ZNF274: variants seen among roughly 807,000 people sequenced by gnomAD.
ZNF274 encodes the protein neurotrophin receptor-interacting factor homolog.
ZNF274 carries 23 observed loss-of-function variants against 42.5 expected under a neutral mutation model. The ratio of observed to expected loss-of-function variants is 0.54; its 90% CI spans 0.39 to 0.77. ZNF274 has a LOEUF of 0.77. Ranked by LOEUF, ZNF274 falls within the 30% of genes least tolerant of loss-of-function variation. The pLI is 0.00. For synonymous variants in ZNF274, 292 were observed against 305.4 expected (o/e 0.96, Z 0.46); for missense variants, 679 against 806.5 (o/e 0.84, Z 1.91).
Position 58,202,072 on chromosome 19 carries a change from T to C in ZNF274, c.257-4648T>C, listed in dbSNP as rs574868790. On this transcript the variant is annotated intron_variant, in intron 4 of 7. Transcript: ENST00000617501. ...GAATGATGAGAGAGAACAGGAGAGC[T>C]GAGAGCTTTCCAGACAAGGAGGAAA... Among the ~76,000 whole-genome samples the C allele has an allele frequency of 2.0e-5, 3 of 152,232 alleles. No homozygotes were observed. In the East Asian group the frequency reaches 5.8e-4, roughly 29 times the overall value.
At position 58,183,440 on chromosome 19, in the gene ZNF274, C is replaced by G. The variant is rs920734832; in HGVS notation, c.-48C>G. On this transcript the variant is annotated splice_region_variant and 5_prime_UTR_variant, in exon 1 of 8. Transcript: ENST00000617501. ...ACGGGCGCCATTGTGCGGCGCGCGC[C>G]GGGTGAGTGCCGCGCGAAACCTGCG... 1 of 152,368 alleles carries G rather than the reference C, an allele frequency of 6.6e-6. No individual in the cohort carries two copies. The highest frequency in any genetic ancestry group is 2.4e-5 in the African/African-American group (1 of 41,448). The allele number at this position is 152,368 out of a possible 1,614,324, so 9.4% of individuals were successfully genotyped here.
chr19:58,185,775 C>A lies in ZNF274; in HGVS notation c.97C>A (p.Leu33Ile). 1 of 1,459,242 alleles carries A rather than the reference C, an allele frequency of 6.9e-7. No homozygotes were observed. Among genetic ancestry groups the A allele is most frequent in the Non-Finnish European group, 9.1e-7 (1 of 1,097,544 alleles). 90.4% of individuals were successfully genotyped at this position (1,459,242 alleles called of 1,614,324 possible). Residue 33 changes from leucine to isoleucine, a missense_variant, in exon 3 of 8, where the codon CTC becomes ATC. By Grantham distance (5) the Leu-to-Ile change is conservative (BLOSUM62 2). This residue lies in a region of ZNF274 where 223 missense variants were observed against 216.4 expected (regional missense o/e 1.03). Transcript: ENST00000617501. ...FTPEEWGLLD[L>I]KQKSLYREVM... is the part of the protein sequence containing the mutation. ...CCCGGAAGAGTGGGGACTGCTGGAC[C>A]TCAAACAGAAGTCCCTGTACAGGGA...
At position 58,210,050 on chromosome 19, in the gene ZNF274, T is replaced by A; in HGVS notation, c.829T>A (p.Cys277Ser). 1 of 1,613,788 alleles carries A rather than the reference T, an allele frequency of 6.2e-7. No individual in the cohort carries two copies. Among genetic ancestry groups the A allele is most frequent in the Non-Finnish European group, 8.5e-7 (1 of 1,179,762 alleles). ...QEEKQEDAAI[C>S]PVTVLPEEPV... Reference sequence around the variant, plus strand: ...GGAGAAGCAGGAGGATGCAGCCATCTGCCCAGTGACAGTGCTCCCTGAGGT... The same window carrying A: ...GGAGAAGCAGGAGGATGCAGCCATCAGCCCAGTGACAGTGCTCCCTGAGGT... The change falls in exon 6 of 8, where the codon TGC (cysteine) becomes AGC (serine). Residue 277 changes from cysteine (C) to serine (S), a missense_variant. Physicochemically the swap from Cys to Ser is moderately radical, Grantham distance 112 (BLOSUM62 -1). This residue lies in a region of ZNF274 where 456 missense variants were observed against 590.1 expected (regional missense o/e 0.77). Coordinates refer to ENST00000617501, the MANE Select transcript of ZNF274 (RefSeq NM_133502.3).
intron 2 of ZNF274, 131 bp from the exon 3 acceptor site, chr19:58,185,581 G>A (rs2075688057): frequency 3.0e-6 from 3 of 992,656 alleles, no homozygotes; most frequent in Non-Finnish European, 4.1e-6. Context: ...AACTCAGGAT[G>A]AGACTCCCAA....
At chr19:58,190,110 A>G (rs1272010774) in intron 4 of ZNF274, among the ~76,000 whole-genome samples, 2 of 151,048 alleles carry the variant, frequency 1.3e-5, no homozygotes, top group East Asian at 3.9e-4. Flanking sequence ...GCGACAGAGC[A>G]AGACTCTATC....
Position 58,185,826 on chromosome 19 carries a change from C to A in ZNF274, c.148C>A (p.Leu50Met). ...AGTGATGCTGGAGAACTACAGGAAC[C>A]TGGTCTCAGTGGGTAAGGCTGGCCT... The part of the protein sequence containing the change: ...REVMLENYRN[L>M]VSVEHQLSKP... Residue 50 changes from leucine to methionine, a missense_variant, in exon 3 of 8, where the codon CTG becomes ATG. Physicochemically the swap from Leu to Met is conservative, Grantham distance 15 (BLOSUM62 2). This residue lies in a region of ZNF274 where 223 missense variants were observed against 216.4 expected (regional missense o/e 1.03). Coordinates refer to ENST00000617501, the MANE Select transcript of ZNF274 (RefSeq NM_133502.3). 1 of 1,391,592 alleles carries A rather than the reference C, an allele frequency of 7.2e-7. No homozygotes were observed. The highest frequency in any genetic ancestry group is 9.4e-7 in the Non-Finnish European group (1 of 1,062,126). 86.2% of individuals were successfully genotyped at this position (1,391,592 alleles called of 1,614,324 possible).
chr19:58,205,426 A>G (rs374835878), intron 4 of ZNF274, among the ~76,000 whole-genome samples: 6 of 152,106 alleles, frequency 3.9e-5, no homozygotes, highest in African/African-American at 1.4e-4. Flanking sequence ...ATAACTGTAA[A>G]ATCAAATTAT....
rs1327893152 is a variant in ZNF274 at position 58,212,306 on chromosome 19, C to A, written c.1125C>A (p.Val375=). 3.1e-6 allele frequency: 5 copies of A among 1,613,812 alleles called. No individual in the cohort carries two copies. The highest frequency in any genetic ancestry group is 3.4e-6 in the Non-Finnish European group (4 of 1,179,898). The part of the protein sequence containing the change: ...STLEDTLQGG[V]QEVQDTVLKQ... The stretch of plus-strand genomic sequence containing the variant: ...TAGAAGATACCTTGCAGGGTGGGGT[C>A]CAGGAAGTCCAAGACACAGTGTTGA... Residue 375 remains valine (V), a synonymous_variant, in exon 8 of 8, where the codon GTC becomes GTA. Coordinates refer to ENST00000617501, the MANE Select transcript of ZNF274 (RefSeq NM_133502.3). This position sits in a 1 kb window ranked among gnomAD's most constrained non-coding sequence, Gnocchi z 4.6.
In ZNF274 at chr19:58,183,792, C is replaced by G. The variant is rs1430116949; in HGVS notation, c.-45-129C>G. 7 of 628,352 alleles carry G rather than the reference C, an allele frequency of 1.1e-5. No individual in the cohort carries two copies. In the East Asian group the frequency reaches 1.9e-4, roughly 17 times the overall value. The allele number at this position is 628,352 out of a possible 1,614,324, so 38.9% of individuals were successfully genotyped here. A position where few individuals can be genotyped will look rare whatever the true frequency, so the allele number is the denominator to read the frequency against. On this transcript the variant is annotated intron_variant, in intron 1 of 7. Transcript: ENST00000617501. ...TCCTGTGGGAGTCCTATGACTCACT[C>G]TGGGCGTTTTCCAGTTTGGGTGGAC...
chr19:58,210,242 G>T (rs569531159), intron 6 of ZNF274, 169 bp downstream of exon 6: 13 of 536,350 alleles, frequency 2.4e-5, no homozygotes, highest in Non-Finnish European at 4.0e-5. Context: ...ATGAAGAGCA[G>T]CCCTGCCCTC....
At position 58,207,309 on chromosome 19, in the gene ZNF274, T is replaced by C; in HGVS notation, c.739+107T>C. On this transcript the variant is annotated intron_variant, in intron 5 of 7. Transcript: ENST00000617501. The surrounding 1 kb of genome is among the most constrained non-coding windows in gnomAD (Gnocchi z 5.6). ...CCTAGGAAGGTCATGGGAAGGATTG[T>C]GTCCGCTCCATACAGACCAAGGACA... The C allele has an allele frequency of 4.1e-6, 6 of 1,456,174 alleles. No homozygotes were observed. The South Asian group carries it at 4.3e-5, about 10-fold the overall frequency. The allele number at this position is 1,456,174 out of a possible 1,614,324, so 90.2% of individuals were successfully genotyped here. A position where few individuals can be genotyped will look rare whatever the true frequency, so the allele number is the denominator to read the frequency against.
chr19:58,209,983 C>T lies in ZNF274; in HGVS notation c.762C>T (p.Ala254=), dbSNP rs201252239. The change falls in exon 6 of 8, where the codon GCC becomes GCT. Residue 254 remains alanine, a synonymous_variant. Coordinates refer to ENST00000617501, the MANE Select transcript of ZNF274 (RefSeq NM_133502.3). ...CAGTACTTCCTGCAGGACAACCTGCCGAGGGCACCACCTGCTGCCTCGAGG... is the reference window on the plus strand; with the variant it reads ...CAGTACTTCCTGCAGGACAACCTGCTGAGGGCACCACCTGCTGCCTCGAGG... ...EEEVLPAGQP[A]EGTTCCLEVT... is the part of the protein sequence containing the mutation. The T allele has an allele frequency of 1.8e-4, 298 of 1,612,986 alleles. 1 individual carries two copies. Among genetic ancestry groups the T allele is most frequent in the Admixed American group, 6.7e-5 (4 of 59,970 alleles).
intron 4 of ZNF274, 97 bp downstream of exon 4, chr19:58,187,139 G>T (rs185166421): frequency 3.8e-5 from 40 of 1,051,630 alleles, no homozygotes; most frequent in Non-Finnish European, 5.1e-5. Flanking sequence ...GGATACCCCA[G>T]GTGGGATGCT....
chr19:58,212,601 G>A lies in ZNF274; in HGVS notation c.1420G>A (p.Glu474Lys). The A allele has an allele frequency of 6.2e-7, 1 of 1,614,030 alleles. No individual in the cohort carries two copies. Among genetic ancestry groups the A allele is most frequent in the South Asian group, 1.1e-5 (1 of 91,080 alleles). ...SRVKIHQKSC[E>K]RQKAKEGNGC... is the part of the protein sequence containing the mutation. ...TGTAAAAATTCATCAGAAGAGCTGTGAAAGGCAAAAGGCCAAGGAAGGCAA... is the reference window on the plus strand; with the variant it reads ...TGTAAAAATTCATCAGAAGAGCTGTAAAAGGCAAAAGGCCAAGGAAGGCAA... The change falls in exon 8 of 8, where the codon GAA becomes AAA. Residue 474 changes from glutamate (E) to lysine (K), a missense_variant. Glu to Lys is a moderately conservative substitution (Grantham distance 56, BLOSUM62 1). Transcript: ENST00000617501. The surrounding 1 kb of genome is among the most constrained non-coding windows in gnomAD (Gnocchi z 4.6).
At chr19:58,209,731 C>T (rs2076018782) in intron 5 of ZNF274, 1 of 442,978 alleles carries the variant, frequency 2.3e-6, no homozygotes, top group Admixed American at 4.0e-5. Context: ...CACTGGTGCC[C>T]TGTGACCCTT....
At chr19:58,192,442 T>C (rs896367217) in intron 4 of ZNF274, among the ~76,000 whole-genome samples, 1 of 152,134 alleles carries the variant, frequency 6.6e-6, no homozygotes, top group Non-Finnish European at 1.5e-5. Context: ...AGGTGAGTGA[T>C]TGAGAGGGAT....
intron 4 of ZNF274, among the ~76,000 whole-genome samples, chr19:58,202,061 A>C (rs1435729418): frequency 2.6e-5 from 4 of 152,184 alleles, no homozygotes; most frequent in Admixed American, 2.6e-4. Context: ...GATGAGAGAG[A>C]ACAGGAGAGC....
intron 4 of ZNF274, among the ~76,000 whole-genome samples, chr19:58,197,036 C>G (rs1461267441): frequency 3.3e-5 from 5 of 152,186 alleles, no homozygotes. Flanking sequence ...AGTATTACAT[C>G]TAAGAGCTTC....
intron 5 of ZNF274, chr19:58,209,198 C>G (rs2076011195): frequency 6.6e-6 from 1 of 152,512 alleles, no homozygotes; most frequent in African/African-American, 2.4e-5. Flanking sequence ...CATGGGATTT[C>G]TCTTTCCCAA....
Sources: allele counts gnomAD v4.1 joint callset (sites outside exome capture counted in the v4.1 genomes callset), GRCh38; gene constraint gnomAD v4.1.1; regional missense constraint gnomAD v4.1.1; non-coding constraint Gnocchi (gnomAD v3.1); transcripts MANE v1.5; gene names NCBI Gene and HGNC (gene_info 2026-07-23, HGNC 2026-07-21).